CCDC7: variants seen among roughly 807,000 people sequenced by gnomAD.
CCDC7 encodes the protein coiled-coil domain containing 7.
CCDC7 carries 183 observed loss-of-function variants against 196.9 expected under a neutral mutation model. The observed-to-expected ratio is 0.93, with a 90% CI of 0.82 to 1.05. The LOEUF (loss-of-function observed/expected upper bound fraction) is 1.05, where lower values mean the gene tolerates loss of function less well. CCDC7 is among the 50% of genes least tolerant of loss of function. The pLI, the probability that CCDC7 is intolerant of heterozygous loss-of-function variation, is 0.00. For missense variants in CCDC7, 1,540 were observed against 1,482.2 expected (o/e 1.04, Z -0.64); for synonymous variants, 525 against 484.6 (o/e 1.08, Z -1.10).
chr10:32,801,820 G>T (rs1354951961), intron 29 of CCDC7, among the ~76,000 whole-genome samples: 2 of 152,198 alleles, frequency 1.3e-5, no homozygotes, highest in African/African-American at 4.8e-5. Flanking sequence ...ATGGCAGCGT[G>T]GGTCATAGAT....
chr10:32,648,957 C>A (rs542913361), intron 20 of CCDC7, among the ~76,000 whole-genome samples: 2 of 152,134 alleles, frequency 1.3e-5, no homozygotes, highest in African/African-American at 4.8e-5. Flanking sequence ...TACATATATT[C>A]CATGGAATAC....
intron 28 of CCDC7, among the ~76,000 whole-genome samples, chr10:32,769,242 A>T (rs1239677056): frequency 6.6e-6 from 1 of 151,964 alleles, no homozygotes; most frequent in Admixed American, 6.6e-5. Flanking sequence ...GGAAGGTTGT[A>T]TGTTTACAGA....
At position 32,867,166 on chromosome 10, in the gene CCDC7, C is replaced by T. The variant is rs140261882; in HGVS notation, c.4112-9181C>T. 7.0e-3 allele frequency among the ~76,000 whole-genome samples: 1,065 copies of T among 151,570 alleles called. 10 individuals are homozygous for T. The highest frequency in any genetic ancestry group is 8.2e-3 in the Non-Finnish European group (555 of 67,708). On this transcript the variant is annotated intron_variant, in intron 41 of 41. Coordinates refer to ENST00000639629, the Ensembl canonical transcript of CCDC7. ...TTAGTCCAAAAAAATCTATAAAGGA[C>T]ATTATTATGACAAATGCAACTTGAA... is the stretch of plus-strand genomic sequence containing the variant.
intron 24 of CCDC7, among the ~76,000 whole-genome samples, chr10:32,710,300 C>A (rs2080608922): frequency 6.6e-6 from 1 of 152,156 alleles, no homozygotes; most frequent in African/African-American, 2.4e-5. Flanking sequence ...AGTCTCAATC[C>A]CTTGCTGGGT....
rs1441304298 is a variant in CCDC7, at chr10:32,845,864, T to C, written c.3521-12T>C. On this transcript the variant is annotated splice_polypyrimidine_tract_variant and intron_variant, in intron 35 of 41. Transcript: ENST00000639629. The stretch of plus-strand genomic sequence containing the variant: ...CTTATAAAATATATTGAAATCTGTT[T>C]TATTTCAATAGAGACTGATAAGGAA... 1.9e-6 allele frequency: 3 copies of C among 1,578,310 alleles called. No individual in the cohort carries two copies. The highest frequency in any genetic ancestry group is 2.6e-6 in the Non-Finnish European group (3 of 1,148,808).
chr10:32,492,017 C>G lies in CCDC7; in HGVS notation c.872+20C>G. 6.7e-7 allele frequency: 1 copy of G among 1,503,704 alleles called. No homozygotes were observed. Among genetic ancestry groups the G allele is most frequent in the Non-Finnish European group, 8.8e-7 (1 of 1,132,560 alleles). The allele number at this position is 1,503,704 out of a possible 1,614,324, so 93.1% of individuals were successfully genotyped here. On this transcript the variant is annotated intron_variant, in intron 9 of 41. Coordinates refer to ENST00000639629, the Ensembl canonical transcript of CCDC7. ...GGAGAGGTAAGCTTTTTTGTTTTTG[C>G]ATTTTATTATTTTTCTATTTTTAAA...
At chr10:32,643,430 AT>A (rs200655354) in intron 20 of CCDC7, among the ~76,000 whole-genome samples, 10 of 151,230 alleles carry the variant, frequency 6.6e-5, no homozygotes, top group East Asian at 1.9e-4. Flanking sequence ...CTATAGTTAG[AT>A]TTTTTTTTGT....
chr10:32,544,597 A>G (rs1457415404), intron 13 of CCDC7, among the ~76,000 whole-genome samples: 3 of 152,166 alleles, frequency 2.0e-5, no homozygotes, highest in Non-Finnish European at 4.4e-5. Context: ...AAAGAGCATC[A>G]TATCAGGAGT....
intron 9 of CCDC7, among the ~76,000 whole-genome samples, chr10:32,501,730 A>G (rs2044071802): frequency 6.6e-6 from 1 of 152,186 alleles, no homozygotes; most frequent in African/African-American, 2.4e-5. Flanking sequence ...TCAGAGGGGC[A>G]CCAGCCAGAT....
intron 14 of CCDC7, among the ~76,000 whole-genome samples, 193 bp downstream of exon 15, chr10:32,565,813 TA>T (rs1245830407): frequency 6.6e-6 from 1 of 152,116 alleles, no homozygotes; most frequent in Admixed American, 6.6e-5. Flanking sequence ...TTATCAAAAA[TA>T]GCGAGATATA....
At chr10:32,489,363 C>T (rs1427542335) in intron 8 of CCDC7, among the ~76,000 whole-genome samples, 3 of 152,148 alleles carry the variant, frequency 2.0e-5, no homozygotes, top group African/African-American at 7.2e-5. Flanking sequence ...AATGTGGTCA[C>T]ACCTGGAGAG....
intron 29 of CCDC7, among the ~76,000 whole-genome samples, chr10:32,787,523 G>A (rs923499474): frequency 4.6e-5 from 7 of 152,158 alleles, no homozygotes; most frequent in African/African-American, 1.4e-4. Context: ...CCTTAACTTC[G>A]GGCAGCACAG....
At chr10:32,572,866 CTTT>C (rs576270039) in intron 16 of CCDC7, among the ~76,000 whole-genome samples, 20 of 90,382 alleles carry the variant, frequency 2.2e-4, no homozygotes, top group East Asian at 1.1e-3. Flanking sequence ...AAGCATGGTG[CTTT>C]TTTTTTTTTT....
intron 24 of CCDC7, among the ~76,000 whole-genome samples, chr10:32,710,813 A>G (rs1340682396): frequency 6.6e-6 from 1 of 152,170 alleles, no homozygotes; most frequent in African/African-American, 2.4e-5. Context: ...TTACCAGGGG[A>G]GCTGCCAAGT....
At chr10:32,812,231 A>G (rs1260845786) in intron 30 of CCDC7, among the ~76,000 whole-genome samples, 1 of 152,112 alleles carries the variant, frequency 6.6e-6, no homozygotes, top group Non-Finnish European at 1.5e-5. Context: ...ATGTATTAAC[A>G]AAAAAGAAAA....
Position 32,453,453 on chromosome 10 carries a change from C to A in CCDC7, c.372+17C>A. ...TCTTTATCTGTAAGTATATGCAACC[C>A]TAATATAGAGACATTAACACTGAAA... On this transcript the variant is annotated intron_variant, in intron 2 of 41. Coordinates refer to ENST00000639629, the Ensembl canonical transcript of CCDC7. The A allele has an allele frequency of 6.9e-7, 1 of 1,453,122 alleles. No homozygotes were observed. The highest frequency in any genetic ancestry group is 9.1e-7 in the Non-Finnish European group (1 of 1,099,114). The allele number at this position is 1,453,122 out of a possible 1,614,324, so 90.0% of individuals were successfully genotyped here. A position where few individuals can be genotyped will look rare whatever the true frequency, so the allele number is the denominator to read the frequency against.
intron 28 of CCDC7, among the ~76,000 whole-genome samples, chr10:32,759,357 C>T (rs141073898): frequency 0.028 from 4,270 of 152,256 alleles, 216 homozygotes; most frequent in African/African-American, 0.097. Context: ...TACAAGGCTA[C>T]AGTAACCAAA....
intron 18 of CCDC7, among the ~76,000 whole-genome samples, chr10:32,607,225 A>G (rs912735385): frequency 6.6e-6 from 1 of 152,178 alleles, no homozygotes; most frequent in African/African-American, 2.4e-5. Context: ...GAAGCTGAGC[A>G]GATACCTGGT....
intron 9 of CCDC7, among the ~76,000 whole-genome samples, chr10:32,508,586 A>G (rs2045572974): frequency 1.3e-5 from 2 of 152,180 alleles, no homozygotes; most frequent in African/African-American, 4.8e-5. Flanking sequence ...AGCCAAAGCA[A>G]ATTTTAGCAA....
Sources: gnomAD v4.1 joint callset for allele counts (sites outside exome capture counted in the v4.1 genomes callset) on GRCh38, gnomAD v4.1.1 for gene constraint, MANE v1.5 for transcripts, NCBI Gene and HGNC (gene_info 2026-07-23, HGNC 2026-07-21) for gene names.